The following TECTA variants were observed in gnomAD, a reference collection of about 807,000 sequenced individuals.
TECTA encodes the protein tectorin alpha, also known as alpha-tectorin.
A neutral mutation model predicts 216.8 loss-of-function variants in TECTA; 128 were observed. The observed-to-expected ratio is 0.59, with a 90% CI of 0.51 to 0.68. The LOEUF (loss-of-function observed/expected upper bound fraction) is 0.68, where lower values mean the gene tolerates loss of function less well. TECTA is among the 30% of genes least tolerant of loss of function. TECTA has a pLI of 0.00. For synonymous variants in TECTA, 1,089 were observed against 1,117.1 expected, an observed-to-expected ratio of 0.97 and a Z score of 0.50; for missense variants, 2,551 against 2,786.2, an observed-to-expected ratio of 0.92 and a Z score of 1.90.
intron 20 of TECTA, among the ~76,000 whole-genome samples, chr11:121,186,481 T>A (rs1289942542): frequency 6.6e-6 from 1 of 152,208 alleles, no homozygotes; most frequent in Non-Finnish European, 1.5e-5. Flanking sequence ...GATACCTAAA[T>A]GTCAAGTCAT....
intron 12 of TECTA, among the ~76,000 whole-genome samples, chr11:121,151,273 C>T (rs1946886962): frequency 6.6e-6 from 1 of 152,170 alleles, no homozygotes; most frequent in South Asian, 2.1e-4. Flanking sequence ...GCATTCATAC[C>T]ATTTCACCCA....
intron 7 of TECTA, among the ~76,000 whole-genome samples, chr11:121,121,434 C>T (rs1465171809): frequency 6.6e-6 from 1 of 152,172 alleles, no homozygotes; most frequent in Non-Finnish European, 1.5e-5. Context: ...TGTCTGCTAA[C>T]CATAGGTTGA....
Position 121,137,592 on chromosome 11 carries a change from G to A in TECTA, c.3113G>A (p.Cys1038Tyr), listed in dbSNP as rs1946743386. The change falls in exon 11 of 24, where the codon TGC becomes TAC. Residue 1038 changes from cysteine (C) to tyrosine (Y), a missense_variant. Transcript: ENST00000392793. ...TGTGTCACGCGGAGTGAGTGTGGCTGCAACTTTGAGGGGCACCAACTTGCC... is the reference window on the plus strand; with the variant it reads ...TGTGTCACGCGGAGTGAGTGTGGCTACAACTTTGAGGGGCACCAACTTGCC... ...SQCVTRSECG[C>Y]NFEGHQLATN... 1 of 1,613,892 alleles carries A rather than the reference G, an allele frequency of 6.2e-7. No homozygotes were observed. Among genetic ancestry groups the A allele is most frequent in the African/African-American group, 1.3e-5 (1 of 74,872 alleles).
At chr11:121,168,358 C>A in intron 19 of TECTA, 141 bp downstream of exon 19, 1 of 1,151,450 alleles carries the variant, frequency 8.7e-7, no homozygotes, top group Non-Finnish European at 1.3e-6. Flanking sequence ...TGCTTTCAAC[C>A]AACATTGTTC....
At chr11:121,144,556 G>A (rs1946815922) in intron 11 of TECTA, among the ~76,000 whole-genome samples, 1 of 151,442 alleles carries the variant, frequency 6.6e-6, no homozygotes, top group African/African-American at 2.5e-5. Context: ...GCTGCAGTGA[G>A]CAAGCTGGCT....
chr11:121,136,565 C>T (rs923510514), intron 10 of TECTA, among the ~76,000 whole-genome samples: 7 of 152,160 alleles, frequency 4.6e-5, no homozygotes, highest in African/African-American at 7.2e-5. Flanking sequence ...AGGAGCAAGG[C>T]ATACCATTGA....
chr11:121,174,124 T>G (rs1283878284), intron 20 of TECTA, among the ~76,000 whole-genome samples: 1 of 152,188 alleles, frequency 6.6e-6, no homozygotes, highest in African/African-American at 2.4e-5. Flanking sequence ...TATACAATCA[T>G]GTCATCTGCA....
At chr11:121,115,120 T>C (rs1195379195) in intron 6 of TECTA, among the ~76,000 whole-genome samples, 1 of 129,186 alleles carries the variant, frequency 7.7e-6, no homozygotes, top group Non-Finnish European at 1.6e-5. Context: ...CACCCACTCA[T>C]CCACCTACCC....
intron 20 of TECTA, among the ~76,000 whole-genome samples, chr11:121,186,695 G>C (rs1040830524): frequency 6.6e-6 from 1 of 152,212 alleles, no homozygotes; most frequent in Non-Finnish European, 1.5e-5. Context: ...TGCCTAGAAG[G>C]CTAATTACAA....
intron 7 of TECTA, among the ~76,000 whole-genome samples, chr11:121,121,356 C>T (rs1591441189): frequency 6.6e-6 from 1 of 152,264 alleles, no homozygotes; most frequent in African/African-American, 2.4e-5. Flanking sequence ...GGGAGAGGTA[C>T]TGTGGAAGAG....
chr11:121,133,461 GGA>G (rs775993370), intron 10 of TECTA, among the ~76,000 whole-genome samples: 74,974 of 151,792 alleles, frequency 0.49, 18,875 homozygotes, highest in African/African-American at 0.57. Context: ...TGGGGTGCCA[GGA>G]TGGGGAACTC....
chr11:121,191,093 G>A lies in TECTA; in HGVS notation c.*287G>A. 4 of 338,434 alleles carry A rather than the reference G, an allele frequency of 1.2e-5. No homozygotes were observed. The highest frequency in any genetic ancestry group is 1.1e-5 in the Non-Finnish European group (2 of 176,266). The allele number at this position is 338,434 out of a possible 1,614,324, so 21.0% of individuals were successfully genotyped here. On this transcript the variant is annotated 3_prime_UTR_variant, in exon 24 of 24. Transcript: ENST00000392793. ...TTGGTTCACATGAAAAACCAGTAAAGGAAAAAAATTCTGGTTAGAGAAATC... is the reference window on the plus strand; with the variant it reads ...TTGGTTCACATGAAAAACCAGTAAAAGAAAAAAATTCTGGTTAGAGAAATC...
chr11:121,134,882 T>C (rs931147246), intron 10 of TECTA, among the ~76,000 whole-genome samples: 7 of 151,866 alleles, frequency 4.6e-5, no homozygotes, highest in Non-Finnish European at 8.8e-5. Flanking sequence ...TTTCCCTGCA[T>C]GTGACAGCTA....
chr11:121,189,318 T>G lies in TECTA; in HGVS notation c.6250+151T>G, dbSNP rs543517957. 338 of 742,846 alleles carry G rather than the reference T, an allele frequency of 4.6e-4. 1 individual carries two copies. The African/African-American group carries it at 5.5e-3, about 12-fold the overall frequency. 46.0% of individuals were successfully genotyped at this position (742,846 alleles called of 1,614,324 possible). On this transcript the variant is annotated intron_variant, in intron 22 of 23. Transcript: ENST00000392793. ...AACATCACCTGCTTCCTTAAAGACA[T>G]CTTTTCATTTACTTATAAACATTCA...
Position 121,189,849 on chromosome 11 carries a change from A to G in TECTA, c.6336A>G (p.Gly2112=). 1.2e-6 allele frequency: 2 copies of G among 1,613,624 alleles called. No homozygotes were observed. The highest frequency in any genetic ancestry group is 1.7e-6 in the Non-Finnish European group (2 of 1,179,948). Residue 2112 remains glycine (G), a synonymous_variant, in exon 23 of 24, where the codon GGA becomes GGG. Coordinates refer to ENST00000392793, the MANE Select transcript of TECTA (RefSeq NM_005422.4). The part of the protein sequence containing the change: ...VDGPLCSCVT[G]TLQEDGKSCR... ...GGCCTCTCTGCAGCTGTGTAACAGG[A>G]ACCCTGCAGGAGGACGGCAAGAGCT... is the stretch of plus-strand genomic sequence containing the variant.
At chr11:121,148,261 C>T (rs938251727) in intron 12 of TECTA, among the ~76,000 whole-genome samples, 1 of 152,190 alleles carries the variant, frequency 6.6e-6, no homozygotes, top group Non-Finnish European at 1.5e-5. Flanking sequence ...CCAGGGCCAA[C>T]AGGTAACTTA....
At position 121,129,990 on chromosome 11, in the gene TECTA, G is replaced by A. The variant is rs754174090; in HGVS notation, c.2720G>A (p.Arg907Gln). Residue 907 changes from arginine (R) to glutamine (Q), a missense_variant, in exon 10 of 24, where the codon CGA (arginine) becomes CAA (glutamine). Transcript: ENST00000392793. Reference protein sequence around the residue: ...NNDSELLKFYRSRSRCGIIND... With the variant: ...NNDSELLKFYQSRSRCGIIND... Reference sequence around the variant, plus strand: ...GACTCGGAGCTGCTCAAGTTTTATCGAAGCCGCTCCAGGTGCGGCATCATC... The same window carrying A: ...GACTCGGAGCTGCTCAAGTTTTATCAAAGCCGCTCCAGGTGCGGCATCATC... The A allele has an allele frequency of 4.0e-5, 65 of 1,605,552 alleles. 1 individual carries two copies. Among genetic ancestry groups the A allele is most frequent in the Middle Eastern group, 1.7e-4 (1 of 6,044 alleles).
At chr11:121,112,906 G>A (rs776624999) in intron 4 of TECTA, among the ~76,000 whole-genome samples, 166 bp from the exon 5 acceptor site, 1 of 152,192 alleles carries the variant, frequency 6.6e-6, no homozygotes, top group African/African-American at 2.4e-5. Flanking sequence ...TTTTCCCAAC[G>A]GAGGCGAGAA....
intron 7 of TECTA, 118 bp from the exon 8 acceptor site, chr11:121,125,184 T>G: frequency 9.4e-7 from 1 of 1,058,668 alleles, no homozygotes; most frequent in Non-Finnish European, 1.4e-6. Context: ...GCCTGGACCG[T>G]TTAGGTGGCC....
Sources: allele counts gnomAD v4.1 joint callset (sites outside exome capture counted in the v4.1 genomes callset), GRCh38; gene constraint gnomAD v4.1.1; transcripts MANE v1.5; gene names NCBI Gene and HGNC (gene_info 2026-07-23, HGNC 2026-07-21).